The following AUTS2 variants were observed in gnomAD, a reference collection of about 807,000 sequenced individuals.
AUTS2 encodes autism susceptibility gene 2 protein.
Under a neutral mutation model 112.4 loss-of-function variants are expected in AUTS2, and 17 were observed. The observed-to-expected ratio is 0.15, with a 90% confidence interval of 0.10 to 0.23. The LOEUF (loss-of-function observed/expected upper bound fraction) is 0.23, where lower values mean the gene tolerates loss of function less well. Among genes scored for constraint, AUTS2 ranks in the 10% least tolerant of loss-of-function variants. AUTS2 has a pLI of 1.00. For missense variants in AUTS2, 1,510 were observed against 1,701.6 expected (o/e 0.89, Z 1.98); for synonymous variants, 751 against 702.7 (o/e 1.07, Z -1.09).
At chr7:70,699,982 C>G (rs2129547590) in intron 6 of AUTS2, among the ~76,000 whole-genome samples, 1 of 152,284 alleles carries the variant, frequency 6.6e-6, no homozygotes, top group Middle Eastern at 3.4e-3. Flanking sequence ...CTGTGTCTGT[C>G]TTCTGCTGAT....
intron 1 of AUTS2, among the ~76,000 whole-genome samples, chr7:69,773,799 A>C (rs1788776152): frequency 6.6e-6 from 1 of 152,204 alleles, no homozygotes; most frequent in Non-Finnish European, 1.5e-5. Context: ...GTCCAGCCTT[A>C]TGCTGAGCTT....
intron 1 of AUTS2, among the ~76,000 whole-genome samples, chr7:69,796,045 A>G (rs886638140): frequency 1.3e-5 from 2 of 152,218 alleles, no homozygotes; most frequent in Admixed American, 6.5e-5. Flanking sequence ...TCTGTCAGGC[A>G]TTAACATTCA....
chr7:70,595,362 G>C (rs145871913), intron 5 of AUTS2, among the ~76,000 whole-genome samples: 3 of 152,120 alleles, frequency 2.0e-5, no homozygotes, highest in African/African-American at 4.8e-5. Context: ...CTCAGGGGCG[G>C]GGGAGTTTCT....
At chr7:69,616,805 T>C (rs530189531) in intron 1 of AUTS2, among the ~76,000 whole-genome samples, 4 of 152,174 alleles carry the variant, frequency 2.6e-5, no homozygotes, top group Non-Finnish European at 5.9e-5. Context: ...GGGGAGATCC[T>C]GACTTTATTA....
intron 1 of AUTS2, among the ~76,000 whole-genome samples, chr7:69,716,941 G>A (rs1798640519): frequency 6.6e-6 from 1 of 152,094 alleles, no homozygotes; most frequent in South Asian, 2.1e-4. Context: ...GGGAGTGAGT[G>A]GACTTCTATG....
chr7:70,149,278 A>G (rs577168004), intron 4 of AUTS2, among the ~76,000 whole-genome samples: 7 of 152,220 alleles, frequency 4.6e-5, no homozygotes, highest in South Asian at 2.1e-4. Flanking sequence ...GAGGTCCTCA[A>G]TAAGTTTTAG....
chr7:69,738,376 C>T (rs1787125531), intron 1 of AUTS2, among the ~76,000 whole-genome samples: 2 of 151,938 alleles, frequency 1.3e-5, no homozygotes, highest in Admixed American at 1.3e-4. Flanking sequence ...CCACAATGAC[C>T]CTGGGGAGCA....
chr7:70,284,019 T>C (rs1489730360), intron 4 of AUTS2, among the ~76,000 whole-genome samples: 1 of 152,178 alleles, frequency 6.6e-6, no homozygotes, highest in African/African-American at 2.4e-5. Context: ...TCATCTTGGA[T>C]TACCTCTCTC....
rs552779294 is a variant in AUTS2, at chr7:69,744,279, A to C, written c.309+144317A>C. Among the ~76,000 whole-genome samples the C allele has an allele frequency of 4.9e-4, 75 of 152,300 alleles. 2 individuals carry two copies. In the South Asian group the frequency reaches 0.015, roughly 30 times the overall value. ...GAGCTGCTATGAACATTTATGTACA[A>C]ATCTTTGTGCAGCTATGTTTTCATC... is the stretch of plus-strand genomic sequence containing the variant. On this transcript the variant is annotated intron_variant, in intron 1 of 18. Coordinates refer to ENST00000342771, the MANE Select transcript of AUTS2 (RefSeq NM_015570.4).
At chr7:70,371,118 G>A (rs1792818159) in intron 4 of AUTS2, among the ~76,000 whole-genome samples, 1 of 152,152 alleles carries the variant, frequency 6.6e-6, no homozygotes, top group Non-Finnish European at 1.5e-5. Context: ...TGAATAACCA[G>A]AGGTTGCTAT....
chr7:69,988,526 C>T (rs1441977078), intron 2 of AUTS2, among the ~76,000 whole-genome samples: 1 of 152,158 alleles, frequency 6.6e-6, no homozygotes, highest in African/African-American at 2.4e-5. Context: ...TGTACATACC[C>T]TACTATAAAT....
chr7:70,348,442 T>G (rs1480646843), intron 4 of AUTS2, among the ~76,000 whole-genome samples: 1 of 152,118 alleles, frequency 6.6e-6, no homozygotes. Context: ...TTATAAGGTG[T>G]TGTTTCTATT....
intron 6 of AUTS2, among the ~76,000 whole-genome samples, chr7:70,714,708 G>A (rs748168669): frequency 6.6e-6 from 1 of 152,174 alleles, no homozygotes; most frequent in African/African-American, 2.4e-5. Context: ...AAGTCCTTGC[G>A]GTGTCATTTA....
intron 5 of AUTS2, among the ~76,000 whole-genome samples, chr7:70,514,475 G>A (rs1049796709): frequency 6.6e-6 from 1 of 152,266 alleles, no homozygotes; most frequent in African/African-American, 2.4e-5. Flanking sequence ...CACAGGGGAA[G>A]AGAGGGAGCA....
At chr7:70,286,911 G>A (rs535560341) in intron 4 of AUTS2, among the ~76,000 whole-genome samples, 8 of 152,192 alleles carry the variant, frequency 5.3e-5, no homozygotes, top group African/African-American at 1.4e-4. Context: ...TTTGCTGAAC[G>A]GAACTTTGAT....
At chr7:70,644,463 C>T (rs949380601) in intron 5 of AUTS2, among the ~76,000 whole-genome samples, 15 of 152,146 alleles carry the variant, frequency 9.9e-5, no homozygotes, top group Non-Finnish European at 5.9e-5. Flanking sequence ...ACAGCAGCCA[C>T]GTTTGACTGC....
At chr7:70,359,215 G>A (rs189642745) in intron 4 of AUTS2, among the ~76,000 whole-genome samples, 8 of 152,296 alleles carry the variant, frequency 5.3e-5, no homozygotes, top group Admixed American at 2.6e-4. Flanking sequence ...AAAGCACTTC[G>A]AACCTTGCTA....
At chr7:70,417,267 G>A (rs1187976667) in intron 4 of AUTS2, among the ~76,000 whole-genome samples, 1 of 152,238 alleles carries the variant, frequency 6.6e-6, no homozygotes, top group Admixed American at 6.5e-5. Flanking sequence ...TGGAGGCAGA[G>A]GCAGCGGGAG....
intron 4 of AUTS2, among the ~76,000 whole-genome samples, chr7:70,417,038 T>C (rs1222389370): frequency 6.6e-6 from 1 of 152,102 alleles, no homozygotes; most frequent in Non-Finnish European, 1.5e-5. Flanking sequence ...CAGTCTATCT[T>C]CTGTGAAAGG....
Sources: gnomAD v4.1 joint callset for allele counts (sites outside exome capture counted in the v4.1 genomes callset) on GRCh38, gnomAD v4.1.1 for gene constraint, MANE v1.5 for transcripts, NCBI Gene and HGNC (gene_info 2026-07-23, HGNC 2026-07-21) for gene names.